The following ADGRV1 variants were observed in gnomAD, a reference collection of about 807,000 sequenced individuals.
ADGRV1 encodes the protein G-protein coupled receptor 98.
In ADGRV1, 359 loss-of-function variants were observed where a neutral mutation model predicts 596.2. The observed-to-expected ratio is 0.60, with a 90% CI of 0.55 to 0.66. The LOEUF (loss-of-function observed/expected upper bound fraction) is 0.66. Ranked by LOEUF, ADGRV1 falls within the 30% of genes least tolerant of loss-of-function variation. The pLI, the probability that ADGRV1 is intolerant of heterozygous loss-of-function variation, is 0.00. For missense variants in ADGRV1, 7,274 were observed against 7,575.6 expected (o/e 0.96, Z 1.48); for synonymous variants, 2,681 against 2,679.2 (o/e 1.00, Z -0.02).
intron 86 of ADGRV1, among the ~76,000 whole-genome samples, chr5:91,077,745 T>C (rs1355704997): frequency 1.3e-5 from 2 of 152,212 alleles, no homozygotes; most frequent in African/African-American, 2.4e-5. Flanking sequence ...GAATGAGTTA[T>C]GATAAAGGTA....
intron 1 of ADGRV1, among the ~76,000 whole-genome samples, chr5:90,611,785 G>A (rs541659671): frequency 6.6e-6 from 1 of 151,942 alleles, no homozygotes; most frequent in East Asian, 1.9e-4. Flanking sequence ...CTAATGCCTT[G>A]TCTTCTGAGT....
intron 17 of ADGRV1, among the ~76,000 whole-genome samples, chr5:90,649,869 TGAGA>T (rs146927477): frequency 1.6e-4 from 24 of 150,214 alleles, no homozygotes; most frequent in Admixed American, 4.0e-4. Flanking sequence ...TATTTGATTT[TGAGA>T]GAGAGAGAGA....
intron 85 of ADGRV1, among the ~76,000 whole-genome samples, chr5:90,996,291 C>T (rs1269352809): frequency 6.6e-6 from 1 of 152,160 alleles, no homozygotes; most frequent in Non-Finnish European, 1.5e-5. Flanking sequence ...TGTGCAACCT[C>T]AGGACATGAT....
intron 87 of ADGRV1, among the ~76,000 whole-genome samples, chr5:91,109,937 TAA>T (rs1333112154): frequency 1.3e-5 from 2 of 152,214 alleles, no homozygotes; most frequent in African/African-American, 4.8e-5. Flanking sequence ...TTCATTGATA[TAA>T]GTTTGAACAA....
At chr5:90,797,287 C>CAAAAAAAA (rs780696194) in intron 70 of ADGRV1, among the ~76,000 whole-genome samples, 34 of 26,350 alleles carry the variant, frequency 1.3e-3, no homozygotes, top group East Asian at 4.0e-3. Flanking sequence ...AAATGAAAAG[C>CAAAAAAAA]AAAAAAAAAA....
intron 83 of ADGRV1, among the ~76,000 whole-genome samples, chr5:90,926,546 A>C (rs2150770839): frequency 6.6e-6 from 1 of 151,668 alleles, no homozygotes; most frequent in East Asian, 1.9e-4. Flanking sequence ...TAGTCTTGCT[A>C]GCGGTCTATC....
intron 21 of ADGRV1, among the ~76,000 whole-genome samples, chr5:90,662,453 A>G (rs907120135): frequency 1.5e-4 from 23 of 151,988 alleles, no homozygotes; most frequent in Admixed American, 1.4e-3. Context: ...TCAGCCTCCC[A>G]AAGTGCTGGG....
intron 77 of ADGRV1, among the ~76,000 whole-genome samples, chr5:90,831,328 C>T (rs1420456129): frequency 6.6e-6 from 1 of 151,780 alleles, no homozygotes; most frequent in African/African-American, 2.4e-5. Flanking sequence ...CACACACACC[C>T]TATTCTGACC....
At position 91,035,363 on chromosome 5, in the gene ADGRV1, C is replaced by G. The variant is rs573201377; in HGVS notation, c.18153-37084C>G. Reference sequence around the variant, plus strand: ...TGGACTATTAAGGAGTTTTGCTGAACAAATTATTTCCCCAAGAAGAATTCT... The same window carrying G: ...TGGACTATTAAGGAGTTTTGCTGAAGAAATTATTTCCCCAAGAAGAATTCT... On this transcript the variant is annotated intron_variant, in intron 85 of 89. Coordinates refer to ENST00000405460, the MANE Select transcript of ADGRV1 (RefSeq NM_032119.4). 5.3e-5 allele frequency among the ~76,000 whole-genome samples: 8 copies of G among 152,250 alleles called. No individual in the cohort carries two copies. In the East Asian group the frequency reaches 1.4e-3, roughly 26 times the overall value.
chr5:90,729,752 G>A lies in ADGRV1; in HGVS notation c.10537G>A (p.Ala3513Thr). Residue 3513 changes from alanine (A) to threonine (T), a missense_variant, in exon 50 of 90, where the codon GCC becomes ACC. Physicochemically the swap from Ala to Thr is moderately conservative, Grantham distance 58 (BLOSUM62 0). This residue lies in a region of ADGRV1 where 3,643 missense variants were observed against 3,809.2 expected (regional missense o/e 0.96). Transcript: ENST00000405460. ...AVNRIHSFTP[A>T]SGIAHILLIG... is the part of the protein sequence containing the mutation. ...TAACAGAATCCACTCCTTCACACCA[G>A]CCTCAGGAATAGGTAAGGACTTTTC... The A allele has an allele frequency of 6.2e-7, 1 of 1,613,414 alleles. No individual in the cohort carries two copies. Among genetic ancestry groups the A allele is most frequent in the South Asian group, 1.1e-5 (1 of 90,992 alleles).
At chr5:91,121,598 C>T (rs144319075) in intron 87 of ADGRV1, among the ~76,000 whole-genome samples, 296 of 152,202 alleles carry the variant, frequency 1.9e-3, no homozygotes, top group African/African-American at 6.8e-3. Context: ...GGGCAAGATT[C>T]GAGCTGCGGT....
intron 85 of ADGRV1, among the ~76,000 whole-genome samples, chr5:91,045,998 C>G (rs1785774474): frequency 6.6e-6 from 1 of 152,142 alleles, no homozygotes; most frequent in Non-Finnish European, 1.5e-5. Flanking sequence ...CTACAAAACA[C>G]TGCTGAAAGA....
chr5:91,038,800 C>T (rs1465732903), intron 85 of ADGRV1, among the ~76,000 whole-genome samples: 1 of 152,152 alleles, frequency 6.6e-6, no homozygotes, highest in Non-Finnish European at 1.5e-5. Context: ...TGAGATGTCA[C>T]ACTCACCTCA....
At chr5:90,970,082 G>A (rs757086339) in intron 84 of ADGRV1, among the ~76,000 whole-genome samples, 7 of 152,170 alleles carry the variant, frequency 4.6e-5, no homozygotes, top group African/African-American at 1.7e-4. Flanking sequence ...ATTATATCCC[G>A]TGCCTGGCTC....
intron 50 of ADGRV1, among the ~76,000 whole-genome samples, chr5:90,734,396 T>C (rs1208703470): frequency 3.9e-5 from 6 of 152,184 alleles, no homozygotes; most frequent in Admixed American, 3.9e-4. Flanking sequence ...TCTGCAAGCA[T>C]TTCCTTTTCT....
Position 90,755,251 on chromosome 5 carries a change from G to A in ADGRV1, c.11580+66G>A. 4.9e-6 allele frequency: 5 copies of A among 1,019,570 alleles called. No homozygotes were observed. In the East Asian group the frequency reaches 1.3e-4, roughly 26 times the overall value. 63.2% of individuals were successfully genotyped at this position (1,019,570 alleles called of 1,614,324 possible). ...AAATTCTCTTAAGTAAAATTGTGATGCTCTTGTAAGTAAAAATCTTTTTTT... is the reference window on the plus strand; with the variant it reads ...AAATTCTCTTAAGTAAAATTGTGATACTCTTGTAAGTAAAAATCTTTTTTT... On this transcript the variant is annotated intron_variant, in intron 55 of 89. Coordinates refer to ENST00000405460, the MANE Select transcript of ADGRV1 (RefSeq NM_032119.4).
At position 90,946,659 on chromosome 5, in the gene ADGRV1, C is replaced by T. The variant is rs1449474451; in HGVS notation, c.17857-18756C>T. Among the ~76,000 whole-genome samples, 4 of 152,156 alleles carry T rather than the reference C, an allele frequency of 2.6e-5. No individual in the cohort carries two copies. The East Asian group carries it at 7.7e-4, about 29-fold the overall frequency. On this transcript the variant is annotated intron_variant, in intron 83 of 89. Coordinates refer to ENST00000405460, the MANE Select transcript of ADGRV1 (RefSeq NM_032119.4). ...GCCCCAGTGTGTGTTGTTCCCCTCC[C>T]TGTGTCCATGTGTTCTCATTGTTCA...
At chr5:90,663,312 T>G (rs1353128409) in intron 21 of ADGRV1, among the ~76,000 whole-genome samples, 3 of 149,724 alleles carry the variant, frequency 2.0e-5, no homozygotes, top group African/African-American at 7.4e-5. Context: ...TTCTAACTGG[T>G]GTGAGATGGT....
At chr5:90,930,154 A>C (rs1374024486) in intron 83 of ADGRV1, among the ~76,000 whole-genome samples, 1 of 152,160 alleles carries the variant, frequency 6.6e-6, no homozygotes, top group African/African-American at 2.4e-5. Context: ...TCTTAACAGT[A>C]CTATTTTAAG....
Sources: allele counts gnomAD v4.1 joint callset (sites outside exome capture counted in the v4.1 genomes callset), GRCh38; gene constraint gnomAD v4.1.1; regional missense constraint gnomAD v4.1.1; transcripts MANE v1.5; gene names NCBI Gene and HGNC (gene_info 2026-07-23, HGNC 2026-07-21).